GABRA1: variants seen among roughly 807,000 people sequenced by gnomAD.
The protein encoded by GABRA1 is gamma-aminobutyric acid receptor subunit alpha-1.
GABRA1 carries 9 observed loss-of-function variants against 48.9 expected under a neutral mutation model. The ratio of observed to expected loss-of-function variants is 0.18; its 90% CI spans 0.11 to 0.32. GABRA1 has a LOEUF of 0.32. Among genes scored for constraint, GABRA1 ranks in the 10% least tolerant of loss-of-function variants. The pLI, the probability that GABRA1 is intolerant of heterozygous loss-of-function variation, is 1.00. For synonymous variants in GABRA1, 210 were observed against 198.7 expected, an observed-to-expected ratio of 1.06 and a Z score of -0.48; for missense variants, 285 against 553.8, an observed-to-expected ratio of 0.51 and a Z score of 4.87.
intron 7 of GABRA1, among the ~76,000 whole-genome samples, chr5:161,887,306 A>G (rs912607899): frequency 1.3e-5 from 2 of 152,162 alleles, no homozygotes; most frequent in African/African-American, 2.4e-5. Flanking sequence ...CAAGATAATA[A>G]GAAAAGCAAC....
chr5:161,859,768 A>G (rs899411168), intron 3 of GABRA1, among the ~76,000 whole-genome samples: 9 of 151,868 alleles, frequency 5.9e-5, no homozygotes, highest in Non-Finnish European at 1.0e-4. Context: ...AAAAAATAGG[A>G]CAAGATAATT....
chr5:161,888,361 G>A (rs1327876974), intron 7 of GABRA1, among the ~76,000 whole-genome samples: 2 of 151,934 alleles, frequency 1.3e-5, no homozygotes, highest in Non-Finnish European at 2.9e-5. Context: ...TCTTAAAATT[G>A]TATTTAATTT....
chr5:161,894,219 A>C (rs1227394868), intron 8 of GABRA1, among the ~76,000 whole-genome samples: 3 of 152,166 alleles, frequency 2.0e-5, no homozygotes, highest in Non-Finnish European at 4.4e-5. Flanking sequence ...ATCAACTTAC[A>C]AGAAAAAAAT....
intron 3 of GABRA1, among the ~76,000 whole-genome samples, chr5:161,858,907 T>C (rs1377714421): frequency 1.3e-5 from 2 of 151,748 alleles, no homozygotes; most frequent in East Asian, 1.9e-4. Flanking sequence ...TCAAACCACA[T>C]AGATAAAGAC....
chr5:161,893,549 A>G (rs1481774409), intron 8 of GABRA1, among the ~76,000 whole-genome samples: 6 of 152,184 alleles, frequency 3.9e-5, no homozygotes, highest in African/African-American at 1.4e-4. Context: ...GTACTTTATA[A>G]CCATTTATTA....
At chr5:161,864,429 G>A (rs1017836428) in intron 3 of GABRA1, among the ~76,000 whole-genome samples, 4 of 151,920 alleles carry the variant, frequency 2.6e-5, no homozygotes, top group African/African-American at 7.2e-5. Context: ...TATGTGTAGG[G>A]TATAACATGA....
chr5:161,858,752 G>C (rs1298147915), intron 3 of GABRA1, among the ~76,000 whole-genome samples: 1 of 151,698 alleles, frequency 6.6e-6, no homozygotes, highest in Non-Finnish European at 1.5e-5. Context: ...GTCACATTTT[G>C]AATTTCCGAA....
chr5:161,891,267 A>C (rs1249702883), intron 8 of GABRA1, among the ~76,000 whole-genome samples: 1 of 152,222 alleles, frequency 6.6e-6, no homozygotes, highest in African/African-American at 2.4e-5. Context: ...GATGGCATTA[A>C]TGAATATTTG....
intron 3 of GABRA1, among the ~76,000 whole-genome samples, chr5:161,857,747 G>C (rs1172829478): frequency 4.6e-5 from 7 of 151,524 alleles, no homozygotes; most frequent in Non-Finnish European, 1.0e-4. Context: ...AAATAGACTT[G>C]AGTTAAAATA....
At chr5:161,886,675 C>G (rs35891387) in intron 7 of GABRA1, among the ~76,000 whole-genome samples, 1 of 151,912 alleles carries the variant, frequency 6.6e-6, no homozygotes, top group Non-Finnish European at 1.5e-5. Flanking sequence ...ACTTGGGAGG[C>G]CAAGATGGGA....
At chr5:161,882,178 G>A (rs973699300) in intron 6 of GABRA1, 5 of 283,698 alleles carry the variant, frequency 1.8e-5, no homozygotes, top group South Asian at 1.5e-4. Flanking sequence ...CCTTTTACTC[G>A]GTTGTGTATG....
chr5:161,877,809 C>T (rs930880018), intron 6 of GABRA1, among the ~76,000 whole-genome samples: 4 of 152,096 alleles, frequency 2.6e-5, no homozygotes, highest in African/African-American at 9.7e-5. Flanking sequence ...CTGTTTTCCA[C>T]CTCAGAGCCA....
chr5:161,854,375 T>G (rs1383411276), intron 3 of GABRA1, 105 bp downstream of exon 3: 1 of 737,144 alleles, frequency 1.4e-6, no homozygotes, highest in Non-Finnish European at 2.5e-6. Context: ...TGGTGACATG[T>G]AATTTAATGA....
At chr5:161,891,102 T>C (rs368100760) in intron 8 of GABRA1, 52 bp downstream of exon 8, 252 of 1,519,220 alleles carry the variant, frequency 1.7e-4, no homozygotes, top group Non-Finnish European at 2.1e-4. Context: ...AGACAAGTTA[T>C]GTCATATCTG....
Position 161,877,989 on chromosome 5 carries a change from A to T in GABRA1, c.559+2347A>T, listed in dbSNP as rs908323308. ...GTTGATCACAATGCACATTTATTTT[A>T]TACCATTTATCACAGCAATGATGAT... On this transcript the variant is annotated intron_variant, in intron 6 of 9. Transcript: ENST00000393943. Among the ~76,000 whole-genome samples, 5 of 152,184 alleles carry T rather than the reference A, an allele frequency of 3.3e-5. No individual in the cohort carries two copies. The East Asian group carries it at 9.6e-4, about 29-fold the overall frequency.
rs1185270352 is a variant in GABRA1, at chr5:161,854,290, T to C, written c.187+20T>C. ...TGGGAGGTAGGTTGCATTATTGTAT[T>C]TTTGTTTTAGAGAATAATATGAGAT... On this transcript the variant is annotated intron_variant, in intron 3 of 9. Transcript: ENST00000393943. 4.5e-6 allele frequency: 6 copies of C among 1,322,476 alleles called. No homozygotes were observed. The highest frequency in any genetic ancestry group is 6.6e-6 in the Non-Finnish European group (6 of 914,086). 81.9% of individuals were successfully genotyped at this position (1,322,476 alleles called of 1,614,324 possible).
At position 161,875,760 on chromosome 5, in the gene GABRA1, C is replaced by G. The variant is rs147270394; in HGVS notation, c.559+118C>G. On this transcript the variant is annotated intron_variant, in intron 6 of 9. Coordinates refer to ENST00000393943, the MANE Select transcript of GABRA1 (RefSeq NM_001127644.2). ...TCAAGAAAATTTAAACAGCAATATA[C>G]CACATGGACTTTCCATAAGTAGTGC... 241 of 770,902 alleles carry G rather than the reference C, an allele frequency of 3.1e-4. 2 individuals are homozygous for G. The East Asian group carries it at 5.6e-3, about 18-fold the overall frequency. The allele number at this position is 770,902 out of a possible 1,614,324, so 47.8% of individuals were successfully genotyped here.
intron 6 of GABRA1, among the ~76,000 whole-genome samples, chr5:161,876,502 A>G (rs941908411): frequency 6.6e-6 from 1 of 152,186 alleles, no homozygotes; most frequent in African/African-American, 2.4e-5. Context: ...ATTTTGGTGA[A>G]GATATGATTC....
chr5:161,850,855 C>T lies in GABRA1; in HGVS notation c.45C>T (p.Ile15=), dbSNP rs759784427. 9 of 1,613,996 alleles carry T rather than the reference C, an allele frequency of 5.6e-6. No individual in the cohort carries two copies. The highest frequency in any genetic ancestry group is 7.6e-6 in the Non-Finnish European group (9 of 1,179,900). Residue 15 remains isoleucine (I), a synonymous_variant, in exon 2 of 10, where the codon ATC becomes ATT. Transcript: ENST00000393943. ...TGTCTGACTGTCTTTGGGCCTGGATCCTCCTTCTGAGCACACTGACTGGAA... is the reference window on the plus strand; with the variant it reads ...TGTCTGACTGTCTTTGGGCCTGGATTCTCCTTCTGAGCACACTGACTGGAA... ...PGLSDCLWAW[I]LLLSTLTGRS...
Sources: allele counts gnomAD v4.1 joint callset (sites outside exome capture counted in the v4.1 genomes callset), GRCh38; gene constraint gnomAD v4.1.1; transcripts MANE v1.5; gene names NCBI Gene and HGNC (gene_info 2026-07-23, HGNC 2026-07-21).